The following EBF2 variants were observed in gnomAD, a reference collection of about 807,000 sequenced individuals.
EBF2 encodes EBF transcription factor 2, also known as transcription factor COE2.
In EBF2, 21 loss-of-function variants were observed where a neutral mutation model predicts 72.8. That is an observed-to-expected ratio of 0.29 (90% CI 0.20 to 0.42). The LOEUF (loss-of-function observed/expected upper bound fraction) is 0.42. Ranked by LOEUF, EBF2 falls within the 10% of genes least tolerant of loss-of-function variation. The pLI is 1.00. For synonymous variants in EBF2, 299 were observed against 274.2 expected, an observed-to-expected ratio of 1.09 and a Z score of -0.89; for missense variants, 637 against 731.2, an observed-to-expected ratio of 0.87 and a Z score of 1.49.
intron 14 of EBF2, 54 bp downstream of exon 14, chr8:25,858,265 T>C: frequency 6.2e-7 from 1 of 1,605,932 alleles, no homozygotes; most frequent in Non-Finnish European, 8.5e-7. Context: ...GGCCCAATAG[T>C]AAAACCCAGA....
intron 7 of EBF2, among the ~76,000 whole-genome samples, chr8:25,906,313 G>T (rs1585190395): frequency 6.6e-6 from 1 of 152,210 alleles, no homozygotes; most frequent in East Asian, 1.9e-4. Context: ...GCTAAGCTTT[G>T]GTCATGGAGG....
intron 6 of EBF2, among the ~76,000 whole-genome samples, chr8:25,921,848 C>A (rs1190163215): frequency 1.6e-4 from 24 of 152,302 alleles, no homozygotes; most frequent in Non-Finnish European, 2.9e-5. Flanking sequence ...AGAACCAGAG[C>A]TTACACCAGA....
At chr8:25,990,974 G>C (rs925839212) in intron 6 of EBF2, among the ~76,000 whole-genome samples, 1 of 152,198 alleles carries the variant, frequency 6.6e-6, no homozygotes, top group Non-Finnish European at 1.5e-5. Flanking sequence ...AGTGGAAACT[G>C]CTAAGTCCTA....
chr8:25,915,096 T>A (rs920726975), intron 6 of EBF2, among the ~76,000 whole-genome samples: 3 of 152,234 alleles, frequency 2.0e-5, no homozygotes, highest in Admixed American at 2.0e-4. Context: ...TGATTTCATG[T>A]AATCTTCTCA....
intron 6 of EBF2, among the ~76,000 whole-genome samples, chr8:25,946,799 C>A (rs1180690816): frequency 6.6e-6 from 1 of 152,132 alleles, no homozygotes; most frequent in African/African-American, 2.4e-5. Flanking sequence ...TCCATCATTT[C>A]TTTTTGTTTT....
rs1335362111 is a variant in EBF2 at position 25,851,747 on chromosome 8, C to CTATT, written c.1529-990_1529-987dup. ...AGCCTAATGACCAAGCCCAGCAGTG[C>CTATT]TATTTCTTGCTTTGTATTTTCAATG... On this transcript the variant is annotated intron_variant, in intron 14 of 15. Coordinates refer to ENST00000520164, the MANE Select transcript of EBF2 (RefSeq NM_022659.4). 2.6e-5 allele frequency among the ~76,000 whole-genome samples: 4 copies of CTATT among 152,136 alleles called. No individual in the cohort carries two copies. The East Asian group carries it at 5.8e-4, about 22-fold the overall frequency.
intron 13 of EBF2, 147 bp from the exon 14 acceptor site, chr8:25,858,651 C>CTTTTTTTT (rs34189731): frequency 7.5e-6 from 1 of 132,972 alleles, no homozygotes; most frequent in Non-Finnish European, 1.3e-5. Context: ...CCATCTTTAG[C>CTTTTTTTT]TTTTTTTTTT....
intron 6 of EBF2, among the ~76,000 whole-genome samples, chr8:25,997,799 T>G (rs1454563421): frequency 6.6e-6 from 1 of 152,074 alleles, no homozygotes; most frequent in Non-Finnish European, 1.5e-5. Flanking sequence ...AGAACCAGTT[T>G]TCAAACAAAT....
At chr8:25,971,275 AAG>A (rs1804185108) in intron 6 of EBF2, among the ~76,000 whole-genome samples, 2 of 152,210 alleles carry the variant, frequency 1.3e-5, no homozygotes, top group Non-Finnish European at 2.9e-5. Flanking sequence ...CGTGTCCAGA[AAG>A]AGTGATGAAA....
chr8:25,925,296 A>T (rs1242979677), intron 6 of EBF2, among the ~76,000 whole-genome samples: 1 of 151,844 alleles, frequency 6.6e-6, no homozygotes, highest in African/African-American at 2.4e-5. Flanking sequence ...ACTTCAGAAA[A>T]CCCGGGGTGC....
At chr8:25,891,545 T>G (rs1039528356) in intron 7 of EBF2, among the ~76,000 whole-genome samples, 1 of 151,942 alleles carries the variant, frequency 6.6e-6, no homozygotes, top group Non-Finnish European at 1.5e-5. Flanking sequence ...CTTCCTTACT[T>G]ATTAAATGGA....
At chr8:26,031,429 T>C (rs77563130) in intron 6 of EBF2, 1 of 1,362 alleles carries the variant, frequency 7.3e-4, no homozygotes, top group South Asian at 0.023. Flanking sequence ...TCTTTTTCTT[T>C]TTTTTTTTTT....
chr8:25,857,579 T>G (rs568467409), intron 14 of EBF2, among the ~76,000 whole-genome samples: 1 of 152,254 alleles, frequency 6.6e-6, no homozygotes, highest in African/African-American at 2.4e-5. Flanking sequence ...GTTTGAAAAA[T>G]GCACTCTCTC....
chr8:25,984,403 T>A (rs866372364), intron 6 of EBF2, among the ~76,000 whole-genome samples: 34 of 152,206 alleles, frequency 2.2e-4, no homozygotes, highest in African/African-American at 7.5e-4. Flanking sequence ...CATTCGCGGC[T>A]GGGCGCGGTG....
chr8:25,859,343 G>A (rs1488640178), intron 13 of EBF2, among the ~76,000 whole-genome samples: 1 of 152,108 alleles, frequency 6.6e-6, no homozygotes, highest in Non-Finnish European at 1.5e-5. Context: ...ACCTCTCTGG[G>A]GCCACTTGTA....
chr8:25,936,346 A>T (rs1375036139), intron 6 of EBF2, among the ~76,000 whole-genome samples: 3 of 152,218 alleles, frequency 2.0e-5, no homozygotes, highest in African/African-American at 7.2e-5. Context: ...CGTGGGCTGC[A>T]GTTCTAAGGC....
At chr8:25,899,366 T>C (rs559579672) in intron 7 of EBF2, among the ~76,000 whole-genome samples, 52 of 152,200 alleles carry the variant, frequency 3.4e-4, no homozygotes, top group African/African-American at 1.2e-3. Flanking sequence ...GTGATTTCCA[T>C]TATGTGCTTT....
intron 6 of EBF2, among the ~76,000 whole-genome samples, chr8:25,928,782 GAAA>G (rs71551838): frequency 1.9e-4 from 21 of 110,376 alleles, no homozygotes; most frequent in Admixed American, 3.0e-4. Context: ...ATTTTTAAAT[GAAA>G]AAAAAAAAAA....
chr8:25,845,588 G>A (rs186128797), intron 15 of EBF2, among the ~76,000 whole-genome samples: 13 of 152,170 alleles, frequency 8.5e-5, no homozygotes, highest in Non-Finnish European at 1.6e-4. Flanking sequence ...TCCCTTCATC[G>A]GGTCAAAAGG....
Sources: allele counts gnomAD v4.1 joint callset (sites outside exome capture counted in the v4.1 genomes callset), GRCh38; gene constraint gnomAD v4.1.1; transcripts MANE v1.5; gene names NCBI Gene and HGNC (gene_info 2026-07-23, HGNC 2026-07-21).